The following WFDC10A variants were observed in gnomAD, a reference collection of about 807,000 sequenced individuals.
WFDC10A encodes the protein WAP four-disulfide core domain 10A.
WFDC10A carries 2 observed loss-of-function variants against 2.6 expected under a neutral mutation model. The ratio of observed to expected loss-of-function variants is 0.76; its 90% CI spans 0.31 to 2.40. The LOEUF (loss-of-function observed/expected upper bound fraction) is 2.40. Ranked by LOEUF, WFDC10A falls within the 30% of genes most tolerant of loss-of-function variation. WFDC10A has a pLI of 0.12. For missense variants in WFDC10A, 84 were observed against 91.8 expected (o/e 0.92, Z 0.35); for synonymous variants, 36 against 36.3 (o/e 0.99, Z 0.03).
rs890065180 is a variant in WFDC10A, at chr20:45,629,827, C to A, written c.14C>A (p.Thr5Asn). 3.7e-6 allele frequency: 6 copies of A among 1,613,790 alleles called. No homozygotes were observed. Among genetic ancestry groups the A allele is most frequent in the Non-Finnish European group, 3.4e-6 (4 of 1,179,942 alleles). The change falls in exon 1 of 2, where the codon ACT (threonine) becomes AAT (asparagine). Residue 5 changes from threonine (T) to asparagine (N), a missense_variant. Thr to Asn is a moderately conservative substitution (Grantham distance 65, BLOSUM62 0). Transcript: ENST00000372643. MAPQ[T>N]LLPVLVLCVL... The stretch of plus-strand genomic sequence containing the variant: ...CTGATCAGAGTCATGGCACCCCAGA[C>A]TCTGCTGCCTGTCCTGGTTCTCTGT...
rs772310050 is a variant in WFDC10A at position 45,629,908 on chromosome 20, G to A, written c.91+4G>A. ...CGTGACAAGAAGAGGATGCAGAGTAGGTGATGGGCTGCTGGATGGGTGAGG... is the reference window on the plus strand; with the variant it reads ...CGTGACAAGAAGAGGATGCAGAGTAAGTGATGGGCTGCTGGATGGGTGAGG... On this transcript the variant is annotated splice_donor_region_variant and intron_variant, in intron 1 of 1. Coordinates refer to ENST00000372643, the MANE Select transcript of WFDC10A (RefSeq NM_080753.3). The A allele has an allele frequency of 8.7e-6, 14 of 1,613,292 alleles. No individual in the cohort carries two copies. In the African/African-American group the frequency reaches 1.9e-4, roughly 22 times the overall value.
At position 45,629,794 on chromosome 20, in the gene WFDC10A, C is replaced by T; in HGVS notation, c.-20C>T. On this transcript the variant is annotated 5_prime_UTR_variant, in exon 1 of 2. Coordinates refer to ENST00000372643, the MANE Select transcript of WFDC10A (RefSeq NM_080753.3). ...TGTGACAACCTGGCCAGACATAGGG[C>T]TCACGATCTGATCAGAGTCATGGCA... 5.6e-6 allele frequency: 9 copies of T among 1,611,468 alleles called. No individual in the cohort carries two copies. Among genetic ancestry groups the T allele is most frequent in the Non-Finnish European group, 7.6e-6 (9 of 1,178,744 alleles).
intron 1 of WFDC10A, 26 bp downstream of exon 1, chr20:45,629,930 G>A: frequency 6.2e-7 from 1 of 1,611,344 alleles, no homozygotes; most frequent in Non-Finnish European, 8.5e-7. Context: ...CTGGATGGGT[G>A]AGGGGGAATT....
intron 1 of WFDC10A, 95 bp downstream of exon 1, chr20:45,629,999 C>T (rs1982318389): frequency 6.7e-7 from 1 of 1,501,842 alleles, no homozygotes; most frequent in Non-Finnish European, 9.0e-7. Context: ...GTTGGAAACT[C>T]TCTGCATATC....
chr20:45,631,120 C>A lies in WFDC10A; in HGVS notation c.*102C>A. ...GGACCTCAAGTCACCAGCATAAGAACATCAACAGGAATGCCGCCCTCTCTA... is the reference window on the plus strand; with the variant it reads ...GGACCTCAAGTCACCAGCATAAGAAAATCAACAGGAATGCCGCCCTCTCTA... On this transcript the variant is annotated 3_prime_UTR_variant, in exon 2 of 2. Coordinates refer to ENST00000372643, the MANE Select transcript of WFDC10A (RefSeq NM_080753.3). The A allele has an allele frequency of 7.4e-7, 1 of 1,355,426 alleles. No individual in the cohort carries two copies. Among genetic ancestry groups the A allele is most frequent in the Middle Eastern group, 2.1e-4 (1 of 4,716 alleles). 84.0% of individuals were successfully genotyped at this position (1,355,426 alleles called of 1,614,324 possible).
At chr20:45,630,036 C>G in intron 1 of WFDC10A, 132 bp downstream of exon 1, 2 of 1,291,238 alleles carry the variant, frequency 1.5e-6, no homozygotes, top group Non-Finnish European at 2.1e-6. Flanking sequence ...GTTGTGTAGA[C>G]TCTGGACTGT....
chr20:45,629,955 G>C (rs1183189867), intron 1 of WFDC10A, 51 bp downstream of exon 1: 1 of 1,599,018 alleles, frequency 6.3e-7, no homozygotes, highest in Non-Finnish European at 8.5e-7. Context: ...AGGGGGAATG[G>C]AGGGCCTGTG....
Position 45,630,990 on chromosome 20 carries a change from G to T in WFDC10A, c.212G>T (p.Cys71Phe). Residue 71 changes from cysteine (C) to phenylalanine (F), a missense_variant, in exon 2 of 2, where the codon TGT becomes TTT. Physicochemically the swap from Cys to Phe is radical, Grantham distance 205 (BLOSUM62 -2). Coordinates refer to ENST00000372643, the MANE Select transcript of WFDC10A (RefSeq NM_080753.3). ...QANNICCSTY[C>F]GNVCMSIL is the part of the protein sequence containing the mutation. Reference sequence around the variant, plus strand: ...AATAACATATGCTGTTCTACCTACTGTGGGAATGTTTGCATGAGCATCCTG... The same window carrying T: ...AATAACATATGCTGTTCTACCTACTTTGGGAATGTTTGCATGAGCATCCTG... 1.9e-6 allele frequency: 3 copies of T among 1,605,292 alleles called. No homozygotes were observed. The highest frequency in any genetic ancestry group is 2.6e-6 in the Non-Finnish European group (3 of 1,176,346).
At chr20:45,629,952 A>C in intron 1 of WFDC10A, 48 bp downstream of exon 1, 10 of 1,587,234 alleles carry the variant, frequency 6.3e-6, no homozygotes, top group South Asian at 3.4e-5. Context: ...GGTAGGGGGA[A>C]TGGAGGGCCT....
In WFDC10A at chr20:45,629,789, T is replaced by A. The variant is rs774875750; in HGVS notation, c.-25T>A. On this transcript the variant is annotated 5_prime_UTR_variant, in exon 1 of 2. Coordinates refer to ENST00000372643, the MANE Select transcript of WFDC10A (RefSeq NM_080753.3). ...AAGTCTGTGACAACCTGGCCAGACATAGGGCTCACGATCTGATCAGAGTCA... is the reference window on the plus strand; with the variant it reads ...AAGTCTGTGACAACCTGGCCAGACAAAGGGCTCACGATCTGATCAGAGTCA... 6.2e-7 allele frequency: 1 copy of A among 1,610,356 alleles called. No individual in the cohort carries two copies. The highest frequency in any genetic ancestry group is 8.5e-7 in the Non-Finnish European group (1 of 1,178,278).
chr20:45,630,009 C>A (rs1406264845), intron 1 of WFDC10A, 105 bp downstream of exon 1: 2 of 1,439,552 alleles, frequency 1.4e-6, no homozygotes, highest in Admixed American at 2.0e-5. Context: ...CTCTGCATAT[C>A]CAGCTCTGAC....
chr20:45,630,350 G>GT (rs1013655560), intron 1 of WFDC10A, among the ~76,000 whole-genome samples: 1 of 151,948 alleles, frequency 6.6e-6, no homozygotes, highest in African/African-American at 2.4e-5. Context: ...ACAGAGCCAA[G>GT]TTAAGGTTAT....
At position 45,631,089 on chromosome 20, in the gene WFDC10A, G is replaced by A. The variant is rs1333930782; in HGVS notation, c.*71G>A. 10 of 1,464,980 alleles carry A rather than the reference G, an allele frequency of 6.8e-6. No homozygotes were observed. Among genetic ancestry groups the A allele is most frequent in the Non-Finnish European group, 9.0e-6 (10 of 1,105,072 alleles). 90.7% of individuals were successfully genotyped at this position (1,464,980 alleles called of 1,614,324 possible). On this transcript the variant is annotated 3_prime_UTR_variant, in exon 2 of 2. Transcript: ENST00000372643. ...ATCCAAGACTGTGCCCACATCCGAA[G>A]CACAAGGACCTCAAGTCACCAGCAT... is the stretch of plus-strand genomic sequence containing the variant.
chr20:45,630,183 G>A (rs1412177094), intron 1 of WFDC10A, among the ~76,000 whole-genome samples: 1 of 152,164 alleles, frequency 6.6e-6, no homozygotes, highest in Non-Finnish European at 1.5e-5. Context: ...GGCGCACCAG[G>A]GCTGAGAATC....
At chr20:45,630,673 T>C (rs1052625792) in intron 1 of WFDC10A, among the ~76,000 whole-genome samples, 197 bp from the exon 2 acceptor site, 1 of 151,790 alleles carries the variant, frequency 6.6e-6, no homozygotes, top group African/African-American at 2.4e-5. Context: ...TGGGGTAAGG[T>C]GTACAGTGGA....
chr20:45,630,991 T>C lies in WFDC10A; in HGVS notation c.213T>C (p.Cys71=), dbSNP rs760603577. Residue 71 remains cysteine, a synonymous_variant, in exon 2 of 2, where the codon TGT becomes TGC. Coordinates refer to ENST00000372643, the MANE Select transcript of WFDC10A (RefSeq NM_080753.3). ...ATAACATATGCTGTTCTACCTACTG[T>C]GGGAATGTTTGCATGAGCATCCTGT... ...QANNICCSTY[C]GNVCMSIL is the part of the protein sequence containing the mutation. 2 of 1,603,222 alleles carry C rather than the reference T, an allele frequency of 1.2e-6. No individual in the cohort carries two copies. The highest frequency in any genetic ancestry group is 1.7e-6 in the Non-Finnish European group (2 of 1,175,600).
chr20:45,630,924 T>C lies in WFDC10A; in HGVS notation c.146T>C (p.Leu49Pro), dbSNP rs566096442. 6.2e-7 allele frequency: 1 copy of C among 1,612,456 alleles called. No homozygotes were observed. The highest frequency in any genetic ancestry group is 2.2e-5 in the East Asian group (1 of 44,760). Residue 49 changes from leucine (L) to proline (P), a missense_variant, in exon 2 of 2, where the codon CTA becomes CCA. Transcript: ENST00000372643. ...TGCCAGCAGCAGCCTAAACTATATCTATGCAAACACTTATGTGAATCTCAC... is the reference window on the plus strand; with the variant it reads ...TGCCAGCAGCAGCCTAAACTATATCCATGCAAACACTTATGTGAATCTCAC... The part of the protein sequence containing the change: ...KVCQQQPKLY[L>P]CKHLCESHRD...
In WFDC10A at chr20:45,630,872, A is replaced by G; in HGVS notation, c.94A>G (p.Thr32Ala). The G allele has an allele frequency of 4.4e-6, 7 of 1,596,236 alleles. No individual in the cohort carries two copies. Among genetic ancestry groups the G allele is most frequent in the Non-Finnish European group, 6.0e-6 (7 of 1,172,770 alleles). The change falls in exon 2 of 2, where the codon ACA becomes GCA. Residue 32 changes from threonine (T) to alanine (A), a missense_variant and splice_region_variant. By Grantham distance (58) the Thr-to-Ala change is moderately conservative. Transcript: ENST00000372643. ...GYRDKKRMQK[T>A]QLSPEIKVCQ... ...TACCGTTCTATTCTCCTTGTCAGAAACACAGCTATCCCCAGAAATCAAAGT... is the reference window on the plus strand; with the variant it reads ...TACCGTTCTATTCTCCTTGTCAGAAGCACAGCTATCCCCAGAAATCAAAGT...
rs775742334 is a variant in WFDC10A, at chr20:45,630,892, C to T, written c.114C>T (p.Ile38=). 6.2e-7 allele frequency: 1 copy of T among 1,604,664 alleles called. No individual in the cohort carries two copies. Among genetic ancestry groups the T allele is most frequent in the Non-Finnish European group, 8.5e-7 (1 of 1,176,400 alleles). The change falls in exon 2 of 2, where the codon ATC becomes ATT. Residue 38 remains isoleucine, a synonymous_variant. Coordinates refer to ENST00000372643, the MANE Select transcript of WFDC10A (RefSeq NM_080753.3). ...RMQKTQLSPE[I]KVCQQQPKLY... is the part of the protein sequence containing the mutation. The stretch of plus-strand genomic sequence containing the variant: ...CAGAAACACAGCTATCCCCAGAAAT[C>T]AAAGTCTGCCAGCAGCAGCCTAAAC...
Sources: gnomAD v4.1 joint callset for allele counts (sites outside exome capture counted in the v4.1 genomes callset) on GRCh38, gnomAD v4.1.1 for gene constraint, MANE v1.5 for transcripts, NCBI Gene and HGNC (gene_info 2026-07-23, HGNC 2026-07-21) for gene names.